ADAM7: variants seen among roughly 807,000 people sequenced by gnomAD.
ADAM7 encodes ADAM metallopeptidase domain 7, also known as disintegrin and metalloproteinase domain-containing protein 7.
ADAM7 carries 97 observed loss-of-function variants against 102.9 expected under a neutral mutation model. That is an observed-to-expected ratio of 0.94 (90% CI 0.80 to 1.12). The LOEUF is 1.12. Ranked by LOEUF, ADAM7 falls within the 50% of genes most tolerant of loss-of-function variation. The pLI, the probability that ADAM7 is intolerant of heterozygous loss-of-function variation, is 0.00. For missense variants in ADAM7, 991 were observed against 908.7 expected (o/e 1.09, Z -1.16); for synonymous variants, 334 against 304.4 (o/e 1.10, Z -1.01).
intron 3 of ADAM7, 123 bp downstream of exon 3, chr8:24,447,385 T>C (rs567700388): frequency 7.8e-5 from 35 of 450,474 alleles, no homozygotes; most frequent in African/African-American, 6.5e-4. Context: ...GAATTTTTCC[T>C]CTTCAAATAA....
chr8:24,498,485 T>C (rs1442011556), intron 16 of ADAM7, among the ~76,000 whole-genome samples: 1 of 151,210 alleles, frequency 6.6e-6, no homozygotes, highest in Non-Finnish European at 1.5e-5. Flanking sequence ...GTGATAAATA[T>C]AGTAAAAGGT....
At chr8:24,492,671 C>T (rs1820405042) in intron 15 of ADAM7, 74 bp downstream of exon 15, 1 of 1,079,364 alleles carries the variant, frequency 9.3e-7, no homozygotes, top group African/African-American at 1.6e-5. Context: ...CTCCTGTCCC[C>T]AGACCTGTTA....
intron 20 of ADAM7, among the ~76,000 whole-genome samples, chr8:24,503,900 T>C (rs1250676980): frequency 2.0e-5 from 3 of 151,830 alleles, no homozygotes; most frequent in Non-Finnish European, 2.9e-5. Context: ...AGGGGAGGGA[T>C]AGCATTAGGA....
intron 7 of ADAM7, 143 bp downstream of exon 7, chr8:24,468,963 C>A: frequency 2.8e-6 from 2 of 710,016 alleles, no homozygotes; most frequent in Non-Finnish European, 4.4e-6. Flanking sequence ...AACAGACATA[C>A]ATAAGAGATT....
intron 6 of ADAM7, 36 bp downstream of exon 6, chr8:24,467,024 ACACC>A: frequency 6.4e-7 from 1 of 1,562,886 alleles, no homozygotes; most frequent in Non-Finnish European, 8.8e-7. Flanking sequence ...CCCAAATGAA[ACACC>A]TTTTATTTTC....
intron 20 of ADAM7, among the ~76,000 whole-genome samples, chr8:24,503,796 T>C (rs1240128810): frequency 6.6e-5 from 10 of 152,018 alleles, no homozygotes; most frequent in Non-Finnish European, 1.3e-4. Context: ...AAACACCGCA[T>C]GTTCTCACTC....
In ADAM7 at chr8:24,508,810, A is replaced by T. The variant is rs936026568; in HGVS notation, c.*264A>T. Reference sequence around the variant, plus strand: ...AAATGCTCTTTAGCACAATATAAAAATTCGTAACCTTGCTGTAGTATTTTC... The same window carrying T: ...AAATGCTCTTTAGCACAATATAAAATTTCGTAACCTTGCTGTAGTATTTTC... On this transcript the variant is annotated 3_prime_UTR_variant, in exon 22 of 22. Transcript: ENST00000175238. The T allele has an allele frequency of 2.8e-5, 35 of 1,243,102 alleles. No individual in the cohort carries two copies. The highest frequency in any genetic ancestry group is 1.9e-5 in the Non-Finnish European group (19 of 993,292). 77.0% of individuals were successfully genotyped at this position (1,243,102 alleles called of 1,614,324 possible). A position where few individuals can be genotyped will look rare whatever the true frequency, so the allele number is the denominator to read the frequency against.
intron 7 of ADAM7, among the ~76,000 whole-genome samples, chr8:24,475,556 A>G (rs1032148256): frequency 2.6e-5 from 4 of 152,294 alleles, no homozygotes; most frequent in Middle Eastern, 3.4e-3. Context: ...TCAATGGAAT[A>G]GTGGCAGTTA....
intron 9 of ADAM7, among the ~76,000 whole-genome samples, chr8:24,483,423 C>T (rs1475546321): frequency 6.6e-6 from 1 of 152,126 alleles, no homozygotes; most frequent in Admixed American, 6.6e-5. Flanking sequence ...ACTTTATATA[C>T]CCATAATATC....
intron 16 of ADAM7, among the ~76,000 whole-genome samples, chr8:24,493,698 T>C (rs1492402): frequency 0.72 from 110,107 of 152,082 alleles, 40,650 homozygotes; most frequent in African/African-American, 0.81. Context: ...GACCAATGTA[T>C]ATTGATGTCT....
intron 10 of ADAM7, 125 bp from the exon 11 acceptor site, chr8:24,487,062 C>A: frequency 1.0e-6 from 1 of 982,660 alleles, no homozygotes; most frequent in Non-Finnish European, 1.4e-6. Context: ...TGAGTCCATG[C>A]CTTTTTAAAT....
chr8:24,476,875 G>T (rs1174967738), intron 8 of ADAM7, among the ~76,000 whole-genome samples: 1 of 152,090 alleles, frequency 6.6e-6, no homozygotes, highest in African/African-American at 2.4e-5. Flanking sequence ...CCATGGTTTG[G>T]CATAGAAAGT....
At chr8:24,481,053 C>T (rs138420904) in intron 8 of ADAM7, among the ~76,000 whole-genome samples, 278 of 147,882 alleles carry the variant, frequency 1.9e-3, no homozygotes, top group African/African-American at 5.6e-3. Flanking sequence ...CAGAATGAGA[C>T]CCTGTCTCAA....
chr8:24,482,984 C>T (rs1219785353), intron 9 of ADAM7, among the ~76,000 whole-genome samples: 2 of 152,096 alleles, frequency 1.3e-5, no homozygotes, highest in African/African-American at 2.4e-5. Flanking sequence ...ATCTGCCTTT[C>T]TGGGAAAGCA....
intron 4 of ADAM7, among the ~76,000 whole-genome samples, chr8:24,465,297 G>A (rs776696792): frequency 8.5e-5 from 13 of 152,172 alleles, no homozygotes; most frequent in Non-Finnish European, 1.5e-4. Context: ...CATGGGCAGA[G>A]CATCAAGTAG....
chr8:24,482,294 T>A lies in ADAM7; in HGVS notation c.858T>A (p.Asp286Glu). ...EKILKTRKDF[D>E]HVVLLSGKWL... ...TCCTTAAAACACGGAAGGATTTTGA[T>A]CATGTTGTATTACTCAGGTTGGTGA... Residue 286 changes from aspartate (D) to glutamate (E), a missense_variant, in exon 9 of 22, where the codon GAT becomes GAA. Asp to Glu is a conservative substitution (Grantham distance 45). Transcript: ENST00000175238. The A allele has an allele frequency of 6.2e-7, 1 of 1,610,872 alleles. No homozygotes were observed. The highest frequency in any genetic ancestry group is 8.5e-7 in the Non-Finnish European group (1 of 1,179,034).
At chr8:24,476,689 C>T (rs1029272750) in intron 8 of ADAM7, among the ~76,000 whole-genome samples, 185 bp downstream of exon 8, 6 of 152,046 alleles carry the variant, frequency 3.9e-5, no homozygotes, top group African/African-American at 1.4e-4. Context: ...TTTCAATTTT[C>T]GATGTAAGTG....
rs773800358 is a variant in ADAM7 at position 24,466,765 on chromosome 8, C to T, written c.390-34C>T. On this transcript the variant is annotated intron_variant, in intron 5 of 21. Transcript: ENST00000175238. ...TACAATGAAATAGAGTAATTATAGG[C>T]CTTGAATACAAATTGTGTTCCCAAT... 3.8e-6 allele frequency: 6 copies of T among 1,579,998 alleles called. No homozygotes were observed. In the Admixed American group the frequency reaches 7.0e-5, roughly 18 times the overall value.
chr8:24,451,231 G>A (rs1353202605), intron 3 of ADAM7, among the ~76,000 whole-genome samples: 1 of 151,952 alleles, frequency 6.6e-6, no homozygotes, highest in African/African-American at 2.4e-5. Context: ...AATGGTACCA[G>A]TTCCTCCTTG....
Sources: gnomAD v4.1 joint callset for allele counts (sites outside exome capture counted in the v4.1 genomes callset) on GRCh38, gnomAD v4.1.1 for gene constraint, MANE v1.5 for transcripts, NCBI Gene and HGNC (gene_info 2026-07-23, HGNC 2026-07-21) for gene names.